RBFOX1: variants seen among roughly 807,000 people sequenced by gnomAD.
RBFOX1 encodes the protein RNA binding fox-1 homolog 1.
A neutral mutation model predicts 57.7 loss-of-function variants in RBFOX1; 8 were observed. That is an observed-to-expected ratio of 0.14 (90% CI 0.08 to 0.25). The LOEUF is 0.25. Ranked by LOEUF, RBFOX1 falls within the 10% of genes least tolerant of loss-of-function variation. The pLI is 1.00. For missense variants in RBFOX1, 611 were observed against 548.5 expected (o/e 1.11, Z -1.14); for synonymous variants, 326 against 222.4 (o/e 1.47, Z -4.15).
intron 1 of RBFOX1, among the ~76,000 whole-genome samples, chr16:6,161,012 G>A (rs2152744519): frequency 6.6e-6 from 1 of 152,312 alleles, no homozygotes; most frequent in South Asian, 2.1e-4. Flanking sequence ...AGCTCCATGA[G>A]CACAGTGGTG....
chr16:7,549,434 AAGGGACAGAACTAAT>A, intron 5 of RBFOX1, among the ~76,000 whole-genome samples: 1 of 152,200 alleles, frequency 6.6e-6, no homozygotes, highest in Non-Finnish European at 1.5e-5. Flanking sequence ...CGGTTCTCTA[AAGGGACAGAACTAAT>A]AGGATAGATG....
chr16:5,548,158 TAAAAA>T (rs59117140), intron 2 of RBFOX1, among the ~76,000 whole-genome samples: 968 of 82,274 alleles, frequency 0.012, 45 homozygotes, highest in Non-Finnish European at 0.017. Flanking sequence ...AAGACTCTGT[TAAAAA>T]AAAAAAAAAA....
At chr16:7,004,268 G>A (rs577778671) in intron 3 of RBFOX1, among the ~76,000 whole-genome samples, 4 of 152,112 alleles carry the variant, frequency 2.6e-5, no homozygotes, top group East Asian at 1.9e-4. Context: ...TAAGAACAAC[G>A]CATTATATAT....
intron 4 of RBFOX1, among the ~76,000 whole-genome samples, chr16:7,062,391 T>C (rs973303343): frequency 6.6e-6 from 1 of 151,870 alleles, no homozygotes; most frequent in Non-Finnish European, 1.5e-5. Flanking sequence ...CTGTCTTCCT[T>C]CATGGCCATA....
chr16:7,463,453 A>C (rs999040832), intron 4 of RBFOX1, among the ~76,000 whole-genome samples: 2 of 152,228 alleles, frequency 1.3e-5, no homozygotes, highest in Non-Finnish European at 2.9e-5. Flanking sequence ...GCAGTGAGCC[A>C]AGATTGCGTC....
At chr16:6,246,283 G>C (rs1376325411) in intron 1 of RBFOX1, among the ~76,000 whole-genome samples, 2 of 152,110 alleles carry the variant, frequency 1.3e-5, no homozygotes, top group African/African-American at 4.8e-5. Flanking sequence ...ATATCTACTT[G>C]TTTCCAGCTC....
At chr16:5,350,519 A>G (rs991606810) in intron 1 of RBFOX1, among the ~76,000 whole-genome samples, 6 of 152,062 alleles carry the variant, frequency 3.9e-5, no homozygotes, top group Non-Finnish European at 7.4e-5. Flanking sequence ...TGTTGGATGT[A>G]TGTGTCTTTC....
chr16:7,003,885 T>C (rs2093059209), intron 3 of RBFOX1: 1 of 152,176 alleles, frequency 6.6e-6, no homozygotes, highest in South Asian at 2.1e-4. Context: ...TTTGGTAAAT[T>C]GGCTTTCAGT....
At chr16:6,947,879 C>A (rs868016573) in intron 3 of RBFOX1, among the ~76,000 whole-genome samples, 1 of 152,124 alleles carries the variant, frequency 6.6e-6, no homozygotes, top group Non-Finnish European at 1.5e-5. Context: ...TGGGTTCAAG[C>A]GTTTCTCCTG....
chr16:6,585,173 A>T (rs2097590002), intron 2 of RBFOX1, among the ~76,000 whole-genome samples: 1 of 152,174 alleles, frequency 6.6e-6, no homozygotes. Flanking sequence ...CAGTGCCAGG[A>T]ATCCTAATGT....
chr16:6,288,031 G>C (rs568596543), intron 1 of RBFOX1, among the ~76,000 whole-genome samples: 1 of 152,126 alleles, frequency 6.6e-6, no homozygotes, highest in African/African-American at 2.4e-5. Flanking sequence ...CATCTGTAAG[G>C]CACCTGGAAC....
intron 2 of RBFOX1, among the ~76,000 whole-genome samples, chr16:6,527,783 A>G (rs1396429982): frequency 1.3e-5 from 2 of 152,002 alleles, no homozygotes; most frequent in Admixed American, 1.3e-4. Context: ...AATGGTTGCC[A>G]CTCCGAGCTG....
intron 3 of RBFOX1, among the ~76,000 whole-genome samples, chr16:6,951,766 C>G (rs2080813273): frequency 1.3e-5 from 2 of 152,270 alleles, no homozygotes; most frequent in Admixed American, 6.5e-5. Context: ...TGGAGTCTCG[C>G]TCTTTCGCCC....
chr16:6,678,225 A>T (rs887356936), intron 3 of RBFOX1, among the ~76,000 whole-genome samples: 1 of 152,164 alleles, frequency 6.6e-6, no homozygotes, highest in Non-Finnish European at 1.5e-5. Flanking sequence ...CTTGAGTTCA[A>T]GCATTTATCC....
chr16:5,893,276 C>T (rs748005652), intron 4 of RBFOX1, among the ~76,000 whole-genome samples: 8 of 152,132 alleles, frequency 5.3e-5, no homozygotes, highest in East Asian at 1.9e-4. Context: ...AAATACGTGG[C>T]AGCCTTTGAA....
At chr16:6,394,649 A>G (rs2092746132) in intron 2 of RBFOX1, among the ~76,000 whole-genome samples, 2 of 151,266 alleles carry the variant, frequency 1.3e-5, no homozygotes, top group Non-Finnish European at 2.9e-5. Context: ...TATTATGTGT[A>G]TTAGATATAT....
intron 1 of RBFOX1, among the ~76,000 whole-genome samples, chr16:5,396,500 G>T (rs2066559924): frequency 6.6e-6 from 1 of 152,088 alleles, no homozygotes; most frequent in Non-Finnish European, 1.5e-5. Context: ...AAATTAGCTG[G>T]GTGTGGCAGC....
intron 3 of RBFOX1, among the ~76,000 whole-genome samples, chr16:6,790,993 G>A (rs1389072501): frequency 1.3e-5 from 2 of 151,824 alleles, no homozygotes; most frequent in African/African-American, 4.8e-5. Flanking sequence ...GCGTCTTCTG[G>A]CTCTCAGGTT....
chr16:6,634,536 T>G (rs1222697136), intron 2 of RBFOX1, among the ~76,000 whole-genome samples: 2 of 148,068 alleles, frequency 1.4e-5, no homozygotes, highest in Non-Finnish European at 3.0e-5. Flanking sequence ...TATACTTTTA[T>G]ATTTTTTAAT....
Sources: gnomAD v4.1 joint callset for allele counts (sites outside exome capture counted in the v4.1 genomes callset) on GRCh38, gnomAD v4.1.1 for gene constraint, MANE v1.5 for transcripts, NCBI Gene and HGNC (gene_info 2026-07-23, HGNC 2026-07-21) for gene names.